Variants in C12orf42 observed in about 807,000 individuals in gnomAD.
The protein encoded by C12orf42 is uncharacterized protein C12orf42.
C12orf42 carries 25 observed loss-of-function variants against 21.6 expected under a neutral mutation model. That is an observed-to-expected ratio of 1.16 (90% confidence interval 0.84 to 1.62). C12orf42 has a LOEUF of 1.62. C12orf42 is among the 40% of genes most tolerant of loss of function. C12orf42 has a pLI of 0.00. For synonymous variants in C12orf42, 174 were observed against 175.0 expected (o/e 0.99, Z 0.05); for missense variants, 483 against 459.3 (o/e 1.05, Z -0.47).
At chr12:103,231,131 A>G in the C12orf42 span, among the ~76,000 whole-genome samples, 7 of 152,190 alleles carry the variant, frequency 4.6e-5, no homozygotes, top group Non-Finnish European at 1.0e-4. Context: ...TCTGACATAT[A>G]ATGTTTTCGA....
At chr12:103,420,381 G>A (rs180811635) in intron 2 of C12orf42, among the ~76,000 whole-genome samples, 258 of 152,258 alleles carry the variant, frequency 1.7e-3, no homozygotes, top group Middle Eastern at 6.8e-3. Context: ...ACATGAGGAC[G>A]TGGATACCGA....
the C12orf42 span, among the ~76,000 whole-genome samples, chr12:103,176,607 A>G: frequency 6.6e-6 from 1 of 152,172 alleles, no homozygotes; most frequent in Non-Finnish European, 1.5e-5. Flanking sequence ...TATCACTATT[A>G]TCCCCATTTT....
At chr12:103,135,477 A>C in the C12orf42 span, among the ~76,000 whole-genome samples, 53 of 152,044 alleles carry the variant, frequency 3.5e-4, no homozygotes, top group Non-Finnish European at 5.7e-4. Flanking sequence ...AAAGAAAAAG[A>C]AAAAGAAAGA....
the C12orf42 span, among the ~76,000 whole-genome samples, chr12:103,513,898 T>C: frequency 2.6e-5 from 4 of 151,882 alleles, no homozygotes; most frequent in African/African-American, 9.7e-5. Flanking sequence ...AACAAGTGTT[T>C]TGGAGAAAAA....
At chr12:103,245,526 T>C (rs889402035) in intron 10 of C12orf42, among the ~76,000 whole-genome samples, 1 of 152,020 alleles carries the variant, frequency 6.6e-6, no homozygotes, top group African/African-American at 2.4e-5. Flanking sequence ...ATTTTTAAAA[T>C]AATGAGATAA....
Position 103,250,366 on chromosome 12 carries a change from T to C in C12orf42, c.*1367-12464A>G, listed in dbSNP as rs557212021. Among the ~76,000 whole-genome samples the C allele has an allele frequency of 7.2e-5, 11 of 152,106 alleles. No homozygotes were observed. In the South Asian group the frequency reaches 1.5e-3, roughly 20 times the overall value. On this transcript the variant is annotated intron_variant and NMD_transcript_variant, in intron 10 of 10. Transcript: ENST00000547347. ...CTTCCACAGCCCCAGAGCTAACATC[T>C]TTCACCTTCACATCCAGCAGAAAAG...
the C12orf42 span, among the ~76,000 whole-genome samples, chr12:103,115,313 T>G: frequency 1.3e-5 from 2 of 152,170 alleles, no homozygotes; most frequent in Non-Finnish European, 2.9e-5. Flanking sequence ...AGTTGAAGTT[T>G]TAACATGATA....
At chr12:103,495,071 C>CGGT (rs1300698271) in intron 1 of C12orf42, among the ~76,000 whole-genome samples, 1 of 151,864 alleles carries the variant, frequency 6.6e-6, no homozygotes, top group Non-Finnish European at 1.5e-5. Context: ...GTGGGGGCGG[C>CGGT]GGTGGTAAAT....
chr12:103,467,171 G>A (rs1953207055), intron 2 of C12orf42, among the ~76,000 whole-genome samples: 1 of 151,942 alleles, frequency 6.6e-6, no homozygotes, highest in Non-Finnish European at 1.5e-5. Flanking sequence ...CCTTCTCTGT[G>A]GATATCACTG....
At chr12:103,529,453 T>G in the C12orf42 span, among the ~76,000 whole-genome samples, 1 of 152,204 alleles carries the variant, frequency 6.6e-6, no homozygotes, top group African/African-American at 2.4e-5. Flanking sequence ...ATGAACTATT[T>G]CAACAGTGCG....
At chr12:103,482,640 A>G (rs10861025) in intron 1 of C12orf42, among the ~76,000 whole-genome samples, 89,810 of 151,842 alleles carry the variant, frequency 0.59, 27,735 homozygotes, top group Admixed American at 0.7. Context: ...GTTAGGATAT[A>G]TATCTTTGAA....
intron 4 of C12orf42, among the ~76,000 whole-genome samples, chr12:103,335,388 G>A (rs1420831687): frequency 2.0e-5 from 3 of 152,234 alleles, no homozygotes. Flanking sequence ...AAAGCTTCAA[G>A]TTCACTATCC....
At chr12:103,516,884 TAGAG>T in the C12orf42 span, among the ~76,000 whole-genome samples, 3 of 152,270 alleles carry the variant, frequency 2.0e-5, no homozygotes, top group East Asian at 1.9e-4. Flanking sequence ...CCTGATATAA[TAGAG>T]AGCACGGGTT....
chr12:103,431,793 A>T (rs1003931754), intron 2 of C12orf42, among the ~76,000 whole-genome samples: 1 of 152,226 alleles, frequency 6.6e-6, no homozygotes, highest in Non-Finnish European at 1.5e-5. Flanking sequence ...ACACAGCACC[A>T]AAGTATGCTA....
At chr12:103,294,021 T>A (rs991885397) in intron 4 of C12orf42, among the ~76,000 whole-genome samples, 2 of 152,092 alleles carry the variant, frequency 1.3e-5, no homozygotes, top group African/African-American at 4.8e-5. Flanking sequence ...ATAGCAGATG[T>A]TCAGTAAATA....
At chr12:103,123,437 G>A in the C12orf42 span, among the ~76,000 whole-genome samples, 6 of 152,052 alleles carry the variant, frequency 3.9e-5, no homozygotes, top group African/African-American at 9.7e-5. Context: ...GTCAGAAAAG[G>A]CATCTGATTT....
At chr12:103,224,699 G>A in the C12orf42 span, among the ~76,000 whole-genome samples, 1 of 152,134 alleles carries the variant, frequency 6.6e-6, no homozygotes, top group Non-Finnish European at 1.5e-5. Context: ...GAGAACTGTA[G>A]AGAGTGAGTT....
chr12:103,057,593 G>A, the C12orf42 span, among the ~76,000 whole-genome samples: 2 of 151,994 alleles, frequency 1.3e-5, no homozygotes, highest in African/African-American at 4.8e-5. Flanking sequence ...TCTTTATCTA[G>A]TCTATCATTG....
the C12orf42 span, among the ~76,000 whole-genome samples, chr12:103,518,549 G>C: frequency 2.6e-5 from 4 of 152,142 alleles, no homozygotes; most frequent in African/African-American, 9.7e-5. Context: ...GGTCCCAACT[G>C]GCAGAACCTA....
Sources: gnomAD v4.1 joint callset for allele counts (sites outside exome capture counted in the v4.1 genomes callset) on GRCh38, gnomAD v4.1.1 for gene constraint, MANE v1.5 for transcripts, NCBI Gene and HGNC (gene_info 2026-07-23, HGNC 2026-07-21) for gene names.